IL1R1: variants seen among roughly 807,000 people sequenced by gnomAD.
IL1R1 encodes the protein interleukin-1 receptor type 1.
IL1R1 carries 22 observed loss-of-function variants against 50.2 expected under a neutral mutation model. That is an observed-to-expected ratio of 0.44 (90% CI 0.31 to 0.63). The LOEUF (loss-of-function observed/expected upper bound fraction) is 0.63, where lower values mean the gene tolerates loss of function less well. Among genes scored for constraint, IL1R1 ranks in the 20% least tolerant of loss-of-function variants. The pLI is 0.07. For missense variants in IL1R1, 509 were observed against 676.2 expected, an observed-to-expected ratio of 0.75 and a Z score of 2.74; for synonymous variants, 251 against 236.7, an observed-to-expected ratio of 1.06 and a Z score of -0.55.
intron 1 of IL1R1, among the ~76,000 whole-genome samples, chr2:102,099,003 A>T (rs1235117236): frequency 6.6e-6 from 1 of 152,230 alleles, no homozygotes; most frequent in Non-Finnish European, 1.5e-5. Context: ...CATATAATGA[A>T]TACCAGTAAG....
intron 1 of IL1R1, among the ~76,000 whole-genome samples, chr2:102,135,163 G>C (rs1682275156): frequency 1.3e-5 from 2 of 152,218 alleles, no homozygotes; most frequent in African/African-American, 4.8e-5. Flanking sequence ...AAAATCAAAA[G>C]GTAATAAACA....
At chr2:102,110,997 G>A (rs2104365782) in intron 1 of IL1R1, among the ~76,000 whole-genome samples, 1 of 152,314 alleles carries the variant, frequency 6.6e-6, no homozygotes, top group Non-Finnish European at 1.5e-5. Context: ...CAGCCAGACA[G>A]AGGGCAGAGG....
chr2:102,090,721 C>T (rs1679629653), intron 1 of IL1R1, among the ~76,000 whole-genome samples: 1 of 152,108 alleles, frequency 6.6e-6, no homozygotes, highest in Non-Finnish European at 1.5e-5. Flanking sequence ...TGTTTTTCTG[C>T]ATCTTCTTGA....
chr2:102,172,349 C>T (rs1685762650), intron 8 of IL1R1: 58 of 985,274 alleles, frequency 5.9e-5, no homozygotes, highest in Non-Finnish European at 7.0e-5. Flanking sequence ...TCCTTCACAA[C>T]ACCTGCAAAG....
At chr2:102,137,032 T>C (rs1289284576) in intron 1 of IL1R1, among the ~76,000 whole-genome samples, 2 of 152,220 alleles carry the variant, frequency 1.3e-5, no homozygotes, top group Non-Finnish European at 2.9e-5. Context: ...AATAGTATAT[T>C]CAAAACTAAA....
At chr2:102,125,799 C>T (rs942345393) in intron 1 of IL1R1, among the ~76,000 whole-genome samples, 20 of 152,302 alleles carry the variant, frequency 1.3e-4, no homozygotes, top group Middle Eastern at 3.4e-3. Context: ...TACACAGTTT[C>T]CCAGGGGCCC....
At chr2:102,126,247 CAGAA>C (rs983726478) in intron 1 of IL1R1, among the ~76,000 whole-genome samples, 12 of 152,302 alleles carry the variant, frequency 7.9e-5, no homozygotes, top group African/African-American at 2.9e-4. Context: ...AGCTAGAAGA[CAGAA>C]AGGAGTTGTC....
intron 5 of IL1R1, among the ~76,000 whole-genome samples, chr2:102,165,616 A>G (rs1025260644): frequency 6.6e-6 from 1 of 152,216 alleles, no homozygotes; most frequent in Non-Finnish European, 1.5e-5. Context: ...ATTACAAAAC[A>G]TACTATGTGT....
At position 102,171,781 on chromosome 2, in the gene IL1R1, T is replaced by A; in HGVS notation, c.722-20T>A. The A allele has an allele frequency of 7.1e-7, 1 of 1,404,250 alleles. No homozygotes were observed. Among genetic ancestry groups the A allele is most frequent in the Non-Finnish European group, 1.0e-6 (1 of 998,782 alleles). The allele number at this position is 1,404,250 out of a possible 1,614,324, so 87.0% of individuals were successfully genotyped here. A position where few individuals can be genotyped will look rare whatever the true frequency, so the allele number is the denominator to read the frequency against. On this transcript the variant is annotated intron_variant, in intron 7 of 11. Coordinates refer to ENST00000410023, the MANE Select transcript of IL1R1 (RefSeq NM_000877.4). ...AGAAAAAATCAATTAATGTTAAGAT[T>A]AAAAATACATTCTTTGCAGGATCCC...
intron 1 of IL1R1, among the ~76,000 whole-genome samples, chr2:102,075,598 C>T (rs2104273967): frequency 6.6e-6 from 1 of 152,232 alleles, no homozygotes; most frequent in East Asian, 1.9e-4. Flanking sequence ...TCTCAGAACC[C>T]CATTGCATAT....
Position 102,178,534 on chromosome 2 carries a change from G to C in IL1R1, c.*1775G>C, listed in dbSNP as rs1686328958. ...CCTAGGACTTGAGCCTCCATTTCTG[G>C]CTTCTAGTCTGGTGTTCTGAGTACT... On this transcript the variant is annotated 3_prime_UTR_variant, in exon 12 of 12. Transcript: ENST00000410023. 1 of 152,034 alleles carries C rather than the reference G, an allele frequency of 6.6e-6. No homozygotes were observed. Among genetic ancestry groups the C allele is most frequent in the South Asian group, 2.1e-4 (1 of 4,812 alleles). 9.4% of individuals were successfully genotyped at this position (152,034 alleles called of 1,614,324 possible). A position where few individuals can be genotyped will look rare whatever the true frequency, so the allele number is the denominator to read the frequency against.
At chr2:102,076,906 C>A (rs1678991474) in intron 1 of IL1R1, among the ~76,000 whole-genome samples, 1 of 152,008 alleles carries the variant, frequency 6.6e-6, no homozygotes, top group Admixed American at 6.5e-5. Flanking sequence ...CTCATAATCC[C>A]CCCTTGAGGG....
intron 1 of IL1R1, among the ~76,000 whole-genome samples, chr2:102,082,914 A>G (rs1331793421): frequency 6.6e-6 from 1 of 152,218 alleles, no homozygotes; most frequent in Non-Finnish European, 1.5e-5. Flanking sequence ...TTGTGTATGA[A>G]GAACAACTTC....
At chr2:102,075,059 G>A (rs986736887) in intron 1 of IL1R1, among the ~76,000 whole-genome samples, 1 of 151,974 alleles carries the variant, frequency 6.6e-6, no homozygotes, top group Non-Finnish European at 1.5e-5. Flanking sequence ...TGTTTTTTGA[G>A]TTGGACCTTG....
chr2:102,160,102 A>G (rs973944906), intron 3 of IL1R1, among the ~76,000 whole-genome samples: 4 of 152,198 alleles, frequency 2.6e-5, no homozygotes, highest in Non-Finnish European at 5.9e-5. Context: ...AATAGTATTA[A>G]TAGATATAGG....
chr2:102,176,460 C>T lies in IL1R1; in HGVS notation c.1411C>T (p.Gln471Ter). 1 of 1,614,136 alleles carries T rather than the reference C, an allele frequency of 6.2e-7. No individual in the cohort carries two copies. The highest frequency in any genetic ancestry group is 1.1e-5 in the South Asian group (1 of 91,078). ...FSWLGGSSEE[Q>*]IAMYNALVQD... ...CTGGCTGGGTGGTTCATCTGAAGAGCAAATAGCCATGTATAATGCTCTTGT... is the reference window on the plus strand; with the variant it reads ...CTGGCTGGGTGGTTCATCTGAAGAGTAAATAGCCATGTATAATGCTCTTGT... The change falls in exon 12 of 12, where the codon CAA becomes TAA. Residue 471 changes from glutamine (Q) to a stop codon, truncating the protein, a stop_gained. Coordinates refer to ENST00000410023, the MANE Select transcript of IL1R1 (RefSeq NM_000877.4). LOFTEE classifies it low-confidence loss of function (END_TRUNC).
intron 1 of IL1R1, among the ~76,000 whole-genome samples, chr2:102,073,427 G>A (rs1478534346): frequency 3.3e-5 from 5 of 152,154 alleles, no homozygotes; most frequent in African/African-American, 1.2e-4. Flanking sequence ...CCTGCAAAAT[G>A]GAATAGGAAC....
intron 7 of IL1R1, among the ~76,000 whole-genome samples, chr2:102,170,905 A>G (rs553910106): frequency 7.2e-5 from 11 of 152,164 alleles, no homozygotes; most frequent in Non-Finnish European, 1.5e-4. Context: ...TACTAAAAAT[A>G]CAAAAATTAG....
chr2:102,101,655 C>T (rs950808772), upstream of IL1R1, among the ~76,000 whole-genome samples: 1 of 152,138 alleles, frequency 6.6e-6, no homozygotes, highest in African/African-American at 2.4e-5. Flanking sequence ...GTAAACTTTT[C>T]CATAAGAATA....
Sources: allele counts gnomAD v4.1 joint callset (sites outside exome capture counted in the v4.1 genomes callset), GRCh38; gene constraint gnomAD v4.1.1; transcripts MANE v1.5; gene names NCBI Gene and HGNC (gene_info 2026-07-23, HGNC 2026-07-21).